The following ST6GALNAC3 variants were observed in gnomAD, a reference collection of about 807,000 sequenced individuals.
The protein encoded by ST6GALNAC3 is ST6 N-acetylgalactosaminide alpha-2,6-sialyltransferase 3.
Under a neutral mutation model 32.7 loss-of-function variants are expected in ST6GALNAC3, and 25 were observed. The observed-to-expected ratio is 0.76, with a 90% CI of 0.56 to 1.07. The LOEUF (loss-of-function observed/expected upper bound fraction) is 1.07, where lower values mean the gene tolerates loss of function less well. Ranked by LOEUF, ST6GALNAC3 falls within the 50% of genes least tolerant of loss-of-function variation. The pLI, the probability that ST6GALNAC3 is intolerant of heterozygous loss-of-function variation, is 0.00. For missense variants in ST6GALNAC3, 355 were observed against 382.4 expected (o/e 0.93, Z 0.60); for synonymous variants, 129 against 133.1 (o/e 0.97, Z 0.21).
intron 3 of ST6GALNAC3, among the ~76,000 whole-genome samples, chr1:76,497,264 G>A (rs537682780): frequency 1.8e-4 from 28 of 152,184 alleles, no homozygotes; most frequent in Middle Eastern, 6.8e-3. Flanking sequence ...GCAGCTTTGG[G>A]GGGCCACAGG....
In ST6GALNAC3 at chr1:76,238,694, C is replaced by T. The variant is rs905515450; in HGVS notation, c.19-75111C>T. Among the ~76,000 whole-genome samples, 3 of 151,862 alleles carry T rather than the reference C, an allele frequency of 2.0e-5. No homozygotes were observed. In the East Asian group the frequency reaches 5.8e-4, roughly 29 times the overall value. Reference sequence around the variant, plus strand: ...AGGGGAGAGGGGGCTTTTATTAAAGCGAGGAAATTGGACTTCAATTATACA... The same window carrying T: ...AGGGGAGAGGGGGCTTTTATTAAAGTGAGGAAATTGGACTTCAATTATACA... On this transcript the variant is annotated intron_variant, in intron 1 of 4. Transcript: ENST00000328299.
At position 76,323,897 on chromosome 1, in the gene ST6GALNAC3, T is replaced by C. The variant is rs146431164; in HGVS notation, c.213+9898T>C. On this transcript the variant is annotated intron_variant, in intron 2 of 4. Transcript: ENST00000328299. ...TTTTTTGAGATGGAGTCTCATTCTATAGCCCAAGCTGGAGTGCAGTGGTGT... is the reference window on the plus strand; with the variant it reads ...TTTTTTGAGATGGAGTCTCATTCTACAGCCCAAGCTGGAGTGCAGTGGTGT... Among the ~76,000 whole-genome samples, 66 of 152,290 alleles carry C rather than the reference T, an allele frequency of 4.3e-4. 1 individual carries two copies. In the East Asian group the frequency reaches 0.011, roughly 26 times the overall value.
At chr1:76,085,048 T>C (rs1646947089) in intron 1 of ST6GALNAC3, among the ~76,000 whole-genome samples, 1 of 152,190 alleles carries the variant, frequency 6.6e-6, no homozygotes, top group Non-Finnish European at 1.5e-5. Context: ...GCTTGCTGCC[T>C]ATTTACATGC....
chr1:76,558,087 A>G (rs1017508393), intron 3 of ST6GALNAC3, among the ~76,000 whole-genome samples: 3 of 152,196 alleles, frequency 2.0e-5, no homozygotes, highest in Non-Finnish European at 2.9e-5. Flanking sequence ...AAAAACAAAA[A>G]GTAGCCAACA....
intron 3 of ST6GALNAC3, among the ~76,000 whole-genome samples, chr1:76,418,802 A>G (rs962031445): frequency 6.6e-6 from 1 of 152,054 alleles, no homozygotes; most frequent in African/African-American, 2.4e-5. Flanking sequence ...ATAATACTGC[A>G]TTCAGGGTTG....
intron 2 of ST6GALNAC3, among the ~76,000 whole-genome samples, chr1:76,332,384 A>T (rs1647204452): frequency 6.6e-6 from 1 of 152,208 alleles, no homozygotes; most frequent in Admixed American, 6.5e-5. Flanking sequence ...ACACAGAAAT[A>T]TTTAGAAAAA....
Position 76,630,875 on chromosome 1 carries a change from G to A in ST6GALNAC3, c.*2069G>A. The A allele has an allele frequency of 2.0e-6, 2 of 985,634 alleles. No homozygotes were observed. Among genetic ancestry groups the A allele is most frequent in the Middle Eastern group, 5.2e-4 (1 of 1,914 alleles). The allele number at this position is 985,634 out of a possible 1,614,324, so 61.1% of individuals were successfully genotyped here. A position where few individuals can be genotyped will look rare whatever the true frequency, so the allele number is the denominator to read the frequency against. On this transcript the variant is annotated 3_prime_UTR_variant, in exon 5 of 5. Transcript: ENST00000328299. ...CAAAGAAAAATAAACAGAGACAAAT[G>A]TTAAAATTGCCATACAGACTGTTTT...
At chr1:76,122,192 G>T in intron 1 of ST6GALNAC3, among the ~76,000 whole-genome samples, 1 of 152,202 alleles carries the variant, frequency 6.6e-6, no homozygotes, top group East Asian at 1.9e-4. Context: ...TCAGAAACTG[G>T]AATGATTACT....
At chr1:76,589,496 G>A (rs1235055063) in intron 3 of ST6GALNAC3, among the ~76,000 whole-genome samples, 2 of 151,886 alleles carry the variant, frequency 1.3e-5, no homozygotes, top group Non-Finnish European at 2.9e-5. Context: ...GAAAAAAAAT[G>A]TATTAAGTGG....
chr1:76,397,433 G>T (rs193208186), intron 2 of ST6GALNAC3, among the ~76,000 whole-genome samples: 1 of 146,008 alleles, frequency 6.8e-6, no homozygotes, highest in Non-Finnish European at 1.5e-5. Context: ...GTGCAATGGC[G>T]ATCTCAGCCC....
intron 1 of ST6GALNAC3, among the ~76,000 whole-genome samples, chr1:76,109,999 A>G (rs1383626450): frequency 2.0e-5 from 3 of 152,232 alleles, no homozygotes; most frequent in Non-Finnish European, 4.4e-5. Flanking sequence ...AGCCTTTGAG[A>G]GGATCAGGCA....
intron 1 of ST6GALNAC3, among the ~76,000 whole-genome samples, chr1:76,246,355 C>G (rs767859638): frequency 7.9e-5 from 12 of 152,098 alleles, no homozygotes; most frequent in Non-Finnish European, 1.5e-4. Flanking sequence ...GGTCTTGAGT[C>G]TTTATCCAAT....
At chr1:76,589,121 C>T (rs1647007710) in intron 3 of ST6GALNAC3, among the ~76,000 whole-genome samples, 1 of 152,072 alleles carries the variant, frequency 6.6e-6, no homozygotes, top group African/African-American at 2.4e-5. Flanking sequence ...TGTCTCTGTG[C>T]GGCTCTGAAT....
intron 3 of ST6GALNAC3, among the ~76,000 whole-genome samples, chr1:76,494,944 AG>A (rs1369687973): frequency 6.6e-6 from 1 of 152,104 alleles, no homozygotes; most frequent in Non-Finnish European, 1.5e-5. Context: ...TTGAGTCTGA[AG>A]GCTGAAAAAC....
intron 2 of ST6GALNAC3, among the ~76,000 whole-genome samples, chr1:76,340,354 G>A (rs552125732): frequency 2.5e-4 from 38 of 152,354 alleles, no homozygotes; most frequent in Non-Finnish European, 3.7e-4. Context: ...GTCCTTCACA[G>A]TGGCAAACCT....
intron 3 of ST6GALNAC3, among the ~76,000 whole-genome samples, chr1:76,471,097 AAATATT>A (rs1225199820): frequency 8.5e-4 from 129 of 152,210 alleles, no homozygotes; most frequent in South Asian, 4.1e-4. Context: ...CTATTGATTA[AAATATT>A]AACTCCTTGG....
intron 1 of ST6GALNAC3, among the ~76,000 whole-genome samples, chr1:76,209,895 T>C (rs1199390955): frequency 2.6e-5 from 4 of 152,152 alleles, no homozygotes; most frequent in African/African-American, 4.8e-5. Flanking sequence ...GGCTCCTGGC[T>C]TTGAATCTGA....
At chr1:76,142,570 C>T (rs1048153904) in intron 1 of ST6GALNAC3, among the ~76,000 whole-genome samples, 2 of 152,176 alleles carry the variant, frequency 1.3e-5, no homozygotes, top group Non-Finnish European at 2.9e-5. Flanking sequence ...CCTGACTGGG[C>T]AGGGAGGAAG....
At chr1:76,404,101 A>G (rs1406983768) in intron 2 of ST6GALNAC3, among the ~76,000 whole-genome samples, 1 of 152,010 alleles carries the variant, frequency 6.6e-6, no homozygotes, top group African/African-American at 2.4e-5. Flanking sequence ...TGACATTAAC[A>G]TTTTTATGCA....
Sources: allele counts gnomAD v4.1 joint callset (sites outside exome capture counted in the v4.1 genomes callset), GRCh38; gene constraint gnomAD v4.1.1; transcripts MANE v1.5; gene names NCBI Gene and HGNC (gene_info 2026-07-23, HGNC 2026-07-21).